Variants in CNTN3 observed in about 807,000 individuals in gnomAD.
The protein encoded by CNTN3 is contactin 3.
In CNTN3, 60 loss-of-function variants were observed where a neutral mutation model predicts 119.1. The ratio of observed to expected loss-of-function variants is 0.50; its 90% CI spans 0.41 to 0.62. CNTN3 has a LOEUF of 0.62. Ranked by LOEUF, CNTN3 falls within the 20% of genes least tolerant of loss-of-function variation. CNTN3 has a pLI of 0.00. For missense variants in CNTN3, 1,101 were observed against 1,242.4 expected (o/e 0.89, Z 1.71); for synonymous variants, 450 against 438.7 (o/e 1.03, Z -0.32).
intron 1 of CNTN3, among the ~76,000 whole-genome samples, chr3:74,524,913 CAGAA>C (rs895111566): frequency 1.3e-5 from 2 of 151,722 alleles, no homozygotes; most frequent in African/African-American, 4.8e-5. Context: ...GTTGCACAAA[CAGAA>C]AGAAGACTAA....
chr3:74,553,866 T>C (rs1429663515), intron 1 of CNTN3, among the ~76,000 whole-genome samples: 1 of 152,198 alleles, frequency 6.6e-6, no homozygotes, highest in Non-Finnish European at 1.5e-5. Flanking sequence ...ATTCTGTAGG[T>C]TGCCTATTCA....
At chr3:74,605,668 G>C (rs1212556037) in intron 1 of CNTN3, among the ~76,000 whole-genome samples, 3 of 152,042 alleles carry the variant, frequency 2.0e-5, no homozygotes, top group Non-Finnish European at 4.4e-5. Flanking sequence ...CCAGCTATTG[G>C]CTACTAGCTA....
chr3:74,399,739 C>G (rs1705145348), intron 5 of CNTN3, among the ~76,000 whole-genome samples: 1 of 152,116 alleles, frequency 6.6e-6, no homozygotes, highest in Non-Finnish European at 1.5e-5. Context: ...AATAGCTGAA[C>G]TAAGTAAGTA....
At chr3:74,453,430 C>T (rs574488891) in intron 4 of CNTN3, among the ~76,000 whole-genome samples, 200 of 152,022 alleles carry the variant, frequency 1.3e-3, no homozygotes, top group African/African-American at 4.5e-3. Context: ...AGTCTTGCTA[C>T]CAGTCTATCA....
chr3:74,511,157 C>A (rs1255849169), intron 2 of CNTN3, among the ~76,000 whole-genome samples: 1 of 151,956 alleles, frequency 6.6e-6, no homozygotes, highest in Admixed American at 6.6e-5. Context: ...AAAAAAAAAT[C>A]CAGAGATTTA....
chr3:74,542,796 T>G (rs2107149231), intron 1 of CNTN3, among the ~76,000 whole-genome samples: 1 of 143,652 alleles, frequency 7.0e-6, no homozygotes, highest in South Asian at 2.3e-4. Flanking sequence ...AAAAGTTCTC[T>G]CATGGCTTTA....
chr3:74,435,105 A>T (rs1701844898), intron 4 of CNTN3, among the ~76,000 whole-genome samples: 1 of 152,140 alleles, frequency 6.6e-6, no homozygotes, highest in Admixed American at 6.5e-5. Context: ...TGTTCCGCAA[A>T]ACCCAGTCTT....
At chr3:74,563,601 T>C (rs1223576359) in intron 1 of CNTN3, among the ~76,000 whole-genome samples, 3 of 152,100 alleles carry the variant, frequency 2.0e-5, no homozygotes, top group Admixed American at 2.0e-4. Flanking sequence ...GCCAGAAACC[T>C]GTTTTCCTAG....
intron 1 of CNTN3, among the ~76,000 whole-genome samples, chr3:74,582,768 T>C (rs1190505703): frequency 7.0e-6 from 1 of 143,418 alleles, no homozygotes; most frequent in East Asian, 2.1e-4. Context: ...ACCCATCAAG[T>C]GCATGTGTAT....
chr3:74,406,243 A>C (rs189851976), intron 5 of CNTN3, among the ~76,000 whole-genome samples: 6 of 152,268 alleles, frequency 3.9e-5, no homozygotes, highest in Admixed American at 3.9e-4. Context: ...ATATTATTTT[A>C]AAGTTATTTC....
chr3:74,491,723 G>C (rs987797794), intron 3 of CNTN3, among the ~76,000 whole-genome samples: 2 of 152,082 alleles, frequency 1.3e-5, no homozygotes, highest in Admixed American at 6.6e-5. Flanking sequence ...AATTTGGGAA[G>C]CTTTTAGTAG....
At chr3:74,492,963 T>C (rs1702995266) in intron 3 of CNTN3, among the ~76,000 whole-genome samples, 1 of 152,114 alleles carries the variant, frequency 6.6e-6, no homozygotes, top group Non-Finnish European at 1.5e-5. Context: ...AATAGAAGTT[T>C]CTTGAATAAA....
rs575876009 is a variant in CNTN3, at chr3:74,587,812, C to A, written c.-81+26579G>T. ...TCCTTCTCCTGCCTAATTGCCCTGG[C>A]CAGAACTTCCAACACTATGTTGAAT... On this transcript the variant is annotated intron_variant, in intron 1 of 22. Transcript: ENST00000263665. 2.0e-5 allele frequency among the ~76,000 whole-genome samples: 3 copies of A among 152,260 alleles called. No individual in the cohort carries two copies. In the South Asian group the frequency reaches 6.2e-4, roughly 32 times the overall value.
At chr3:74,286,138 C>T (rs1421570757) in intron 19 of CNTN3, among the ~76,000 whole-genome samples, 1 of 151,726 alleles carries the variant, frequency 6.6e-6, no homozygotes, top group African/African-American at 2.4e-5. Context: ...TCTGAAGGAA[C>T]CAAATTTGGA....
At chr3:74,504,010 G>C (rs1210764110) in intron 2 of CNTN3, among the ~76,000 whole-genome samples, 2 of 152,004 alleles carry the variant, frequency 1.3e-5, no homozygotes, top group African/African-American at 4.8e-5. Context: ...AACCGCAGAC[G>C]ATCAATTCTA....
In CNTN3 at chr3:74,442,743, T is replaced by C. The variant is rs562120148; in HGVS notation, c.359-17803A>G. The stretch of plus-strand genomic sequence containing the variant: ...TAGCTCACATTTAATTGGATCTTAC[T>C]AAGTGCTAAGTACTTCTTTAAGTTC... On this transcript the variant is annotated intron_variant, in intron 4 of 22. Coordinates refer to ENST00000263665, the MANE Select transcript of CNTN3 (RefSeq NM_020872.3). Among the ~76,000 whole-genome samples, 29 of 152,332 alleles carry C rather than the reference T, an allele frequency of 1.9e-4. No individual in the cohort carries two copies. In the South Asian group the frequency reaches 5.8e-3, roughly 30 times the overall value.
At chr3:74,397,784 C>T (rs6765200) in intron 5 of CNTN3, among the ~76,000 whole-genome samples, 114,441 of 152,068 alleles carry the variant, frequency 0.75, 43,566 homozygotes, top group East Asian at 0.81. Context: ...TAGAAACACT[C>T]ATGATTCATG....
chr3:74,545,337 G>C (rs1185869149), intron 1 of CNTN3, among the ~76,000 whole-genome samples: 2 of 152,136 alleles, frequency 1.3e-5, no homozygotes, highest in Admixed American at 6.5e-5. Flanking sequence ...AGATATTTAT[G>C]CTGTGTGGCC....
chr3:74,410,429 A>T (rs898780561), intron 5 of CNTN3, among the ~76,000 whole-genome samples: 6 of 152,206 alleles, frequency 3.9e-5, no homozygotes, highest in Non-Finnish European at 7.3e-5. Flanking sequence ...GAGAATTAAC[A>T]TGTCATGTTT....
Sources: gnomAD v4.1 joint callset for allele counts (sites outside exome capture counted in the v4.1 genomes callset) on GRCh38, gnomAD v4.1.1 for gene constraint, MANE v1.5 for transcripts, NCBI Gene and HGNC (gene_info 2026-07-23, HGNC 2026-07-21) for gene names.